The following CHST9 variants were observed in gnomAD, a reference collection of about 807,000 sequenced individuals.
CHST9 encodes the protein carbohydrate sulfotransferase 9.
Under a neutral mutation model 44.4 loss-of-function variants are expected in CHST9, and 41 were observed. The observed-to-expected ratio is 0.92, with a 90% CI of 0.72 to 1.20. The LOEUF is 1.20. Ranked by LOEUF, CHST9 falls within the 50% of genes most tolerant of loss-of-function variation. The pLI is 0.00. For synonymous variants in CHST9, 171 were observed against 178.4 expected, an observed-to-expected ratio of 0.96 and a Z score of 0.33; for missense variants, 504 against 516.5, an observed-to-expected ratio of 0.98 and a Z score of 0.23.
intron 4 of CHST9, among the ~76,000 whole-genome samples, chr18:26,997,875 A>T (rs2056904220): frequency 6.6e-6 from 1 of 152,204 alleles, no homozygotes; most frequent in Non-Finnish European, 1.5e-5. Flanking sequence ...GCATAGGGCC[A>T]TTTACATATA....
chr18:27,106,577 C>G (rs77120849), intron 2 of CHST9, among the ~76,000 whole-genome samples: 2,901 of 152,226 alleles, frequency 0.019, 82 homozygotes, highest in African/African-American at 0.064. Flanking sequence ...ATTTTGAATG[C>G]ATGATAATTT....
chr18:27,094,091 TA>T (rs1204319982), intron 2 of CHST9, among the ~76,000 whole-genome samples: 3 of 152,192 alleles, frequency 2.0e-5, no homozygotes, highest in African/African-American at 7.2e-5. Flanking sequence ...TGATGGAAAC[TA>T]ATTTTTTCCT....
intron 1 of CHST9, among the ~76,000 whole-genome samples, chr18:27,161,110 T>A (rs958701898): frequency 1.3e-5 from 2 of 152,178 alleles, no homozygotes; most frequent in African/African-American, 4.8e-5. Flanking sequence ...CTCTATTTCC[T>A]TCAGTTCTGC....
intron 2 of CHST9, among the ~76,000 whole-genome samples, chr18:27,065,635 GT>G (rs2057774472): frequency 7.2e-6 from 1 of 139,054 alleles, no homozygotes; most frequent in South Asian, 2.5e-4. Context: ...CCTGAAAATA[GT>G]AAGGGAGAAA....
At chr18:27,016,155 T>C (rs896895358) in intron 4 of CHST9, among the ~76,000 whole-genome samples, 9 of 152,256 alleles carry the variant, frequency 5.9e-5, no homozygotes, top group African/African-American at 1.9e-4. Flanking sequence ...ATTATGGCTA[T>C]ATACACCTCA....
Position 27,048,503 on chromosome 18 carries a change from C to T in CHST9, c.122G>A (p.Gly41Glu), listed in dbSNP as rs567144950. ...LQVWIEEQHT[G>E]RVEKRREQKV... ...TTGTTCTCTTCTCTTCTCCACTCTC[C>T]CTGAAATGAGAAGTGGAAGATAAGT... Residue 41 changes from glycine to glutamate, a missense_variant and splice_region_variant, in exon 3 of 6, where the codon GGG becomes GAG. By Grantham distance (98) the Gly-to-Glu change is moderately conservative. Coordinates refer to ENST00000618847, the MANE Select transcript of CHST9 (RefSeq NM_031422.6). The T allele has an allele frequency of 6.2e-7, 1 of 1,603,414 alleles. No individual in the cohort carries two copies. Among genetic ancestry groups the T allele is most frequent in the South Asian group, 1.1e-5 (1 of 88,820 alleles).
chr18:26,931,510 T>C (rs1471012428), intron 5 of CHST9, among the ~76,000 whole-genome samples: 1 of 152,252 alleles, frequency 6.6e-6, no homozygotes, highest in Non-Finnish European at 1.5e-5. Flanking sequence ...TCTGGATTAA[T>C]TCACAGACCT....
In CHST9 at chr18:26,915,690, G is replaced by A. The variant is rs1243292226; in HGVS notation, c.*569C>T. 1 of 152,116 alleles carries A rather than the reference G, an allele frequency of 6.6e-6. No homozygotes were observed. Among genetic ancestry groups the A allele is most frequent in the Non-Finnish European group, 1.5e-5 (1 of 68,000 alleles). The allele number at this position is 152,116 out of a possible 1,614,324, so 9.4% of individuals were successfully genotyped here. ...TGGCTGTTGAATATAAAAAGCCACA[G>A]CCTCATCTGGTTTTTCTGCTATATT... On this transcript the variant is annotated 3_prime_UTR_variant, in exon 6 of 6. Coordinates refer to ENST00000618847, the MANE Select transcript of CHST9 (RefSeq NM_031422.6).
At chr18:27,160,995 C>G (rs991571713) in intron 1 of CHST9, among the ~76,000 whole-genome samples, 1 of 151,868 alleles carries the variant, frequency 6.6e-6, no homozygotes, top group Non-Finnish European at 1.5e-5. Flanking sequence ...TTGGATTCTT[C>G]TCTCTTTTCT....
intron 5 of CHST9, among the ~76,000 whole-genome samples, chr18:26,922,731 G>A (rs528251777): frequency 6.6e-6 from 1 of 152,208 alleles, no homozygotes; most frequent in South Asian, 2.1e-4. Context: ...TGCCTCCTGG[G>A]TTCCAGCAAT....
rs868475211 is a variant in CHST9, at chr18:27,073,326, A to G, written c.122-24823T>C. 1.1e-4 allele frequency among the ~76,000 whole-genome samples: 16 copies of G among 147,454 alleles called. 1 individual carries two copies. In the Middle Eastern group the frequency reaches 0.01, roughly 95 times the overall value. ...GCATTTTCTAGGATCTCCTAAGGAG[A>G]CAACCCAGGATAAGAATGATGCCAC... On this transcript the variant is annotated intron_variant, in intron 2 of 5. Coordinates refer to ENST00000618847, the MANE Select transcript of CHST9 (RefSeq NM_031422.6).
At chr18:26,918,004 G>A (rs1174990741) in intron 5 of CHST9, among the ~76,000 whole-genome samples, 2 of 152,038 alleles carry the variant, frequency 1.3e-5, no homozygotes, top group African/African-American at 2.4e-5. Flanking sequence ...AGTGAAGAAT[G>A]ACTAAGGAAT....
chr18:27,049,044 C>T (rs1465798626), intron 2 of CHST9, among the ~76,000 whole-genome samples: 1 of 152,056 alleles, frequency 6.6e-6, no homozygotes, highest in East Asian at 1.9e-4. Context: ...AGAGAAATGA[C>T]TGACTCTTGG....
At chr18:27,082,614 A>G (rs1452803068) in intron 2 of CHST9, among the ~76,000 whole-genome samples, 1 of 152,242 alleles carries the variant, frequency 6.6e-6, no homozygotes, top group Non-Finnish European at 1.5e-5. Context: ...TAATTTATCA[A>G]ACCAAGGCAA....
intron 3 of CHST9, among the ~76,000 whole-genome samples, chr18:27,040,716 T>C (rs940114040): frequency 6.6e-6 from 1 of 152,188 alleles, no homozygotes; most frequent in Non-Finnish European, 1.5e-5. Context: ...GTGACATACA[T>C]TCACTTTAGA....
At chr18:27,052,726 G>A (rs1007530016) in intron 2 of CHST9, among the ~76,000 whole-genome samples, 1 of 152,068 alleles carries the variant, frequency 6.6e-6, no homozygotes, top group African/African-American at 2.4e-5. Flanking sequence ...TATACACCAT[G>A]GAATACTATG....
chr18:27,165,131 C>T (rs1422182776), intron 1 of CHST9, among the ~76,000 whole-genome samples: 2 of 152,076 alleles, frequency 1.3e-5, no homozygotes, highest in Admixed American at 1.3e-4. Flanking sequence ...AAAACAGATG[C>T]TTGGGAGACT....
chr18:27,054,100 G>A (rs957424691), intron 2 of CHST9, among the ~76,000 whole-genome samples: 7 of 152,134 alleles, frequency 4.6e-5, no homozygotes, highest in South Asian at 2.1e-4. Flanking sequence ...GTCTAGCACC[G>A]TGCCTTAAAC....
intron 1 of CHST9, 138 bp from the exon 2 acceptor site, chr18:27,143,043 T>C (rs1026262984): frequency 3.5e-5 from 11 of 311,610 alleles, no homozygotes; most frequent in Non-Finnish European, 5.8e-5. Context: ...AAGACTGTAG[T>C]AGGTGTTCCT....
Sources: gnomAD v4.1 joint callset for allele counts (sites outside exome capture counted in the v4.1 genomes callset) on GRCh38, gnomAD v4.1.1 for gene constraint, MANE v1.5 for transcripts, NCBI Gene and HGNC (gene_info 2026-07-23, HGNC 2026-07-21) for gene names.